Variants in SBF2 observed in about 807,000 individuals in gnomAD.
SBF2 encodes myotubularin-related protein 13.
In SBF2, 112 loss-of-function variants were observed where a neutral mutation model predicts 225.2. That is an observed-to-expected ratio of 0.50 (90% confidence interval 0.43 to 0.58). SBF2 has a LOEUF of 0.58. SBF2 is among the 20% of genes least tolerant of loss of function. SBF2 has a pLI of 0.00. For missense variants in SBF2, 1,996 were observed against 2,206.2 expected (o/e 0.90, Z 1.91); for synonymous variants, 763 against 773.3 (o/e 0.99, Z 0.22).
chr11:9,781,988 C>T (rs551856341), intron 38 of SBF2, among the ~76,000 whole-genome samples: 13 of 151,996 alleles, frequency 8.6e-5, no homozygotes, highest in African/African-American at 3.1e-4. Flanking sequence ...AGTTCGAGAC[C>T]AGCCTGGGCA....
At chr11:9,922,197 C>T (rs141872830) in intron 16 of SBF2, among the ~76,000 whole-genome samples, 5 of 152,076 alleles carry the variant, frequency 3.3e-5, no homozygotes, top group Non-Finnish European at 7.4e-5. Context: ...ATGCAGTGAG[C>T]CACGATCATG....
At chr11:10,113,746 G>A (rs2135022427) in intron 2 of SBF2, among the ~76,000 whole-genome samples, 1 of 151,046 alleles carries the variant, frequency 6.6e-6, no homozygotes, top group East Asian at 1.9e-4. Flanking sequence ...AGAAGTTTTG[G>A]GAAAATTCAC....
At chr11:9,876,111 A>G (rs1859213487) in intron 17 of SBF2, among the ~76,000 whole-genome samples, 1 of 152,082 alleles carries the variant, frequency 6.6e-6, no homozygotes, top group Non-Finnish European at 1.5e-5. Flanking sequence ...CCCTTTCTCA[A>G]CTTCCTGAAT....
chr11:10,221,284 A>T (rs1271099144), intron 1 of SBF2, among the ~76,000 whole-genome samples: 1 of 151,890 alleles, frequency 6.6e-6, no homozygotes, highest in African/African-American at 2.4e-5. Context: ...CGCCCAGCTA[A>T]TTTTTGTATT....
In SBF2 at chr11:10,029,860, T is replaced by A. The variant is rs761711012; in HGVS notation, c.418A>T (p.Ile140Phe). The A allele has an allele frequency of 7.4e-6, 12 of 1,612,746 alleles. No homozygotes were observed. In the South Asian group the frequency reaches 1.3e-4, roughly 18 times the overall value. Residue 140 changes from isoleucine to phenylalanine, a missense_variant, in exon 5 of 40, where the codon ATC becomes TTC. Physicochemically the swap from Ile to Phe is conservative, Grantham distance 21. Transcript: ENST00000256190. ...AGGCTGTCCACATACACGGTATAGA[T>A]CAAACCCAGGCAAGCCTGCAAAAAG... ...PEIFRACLGLIYTVYVDSLNV... is the reference protein window; with the variant it reads ...PEIFRACLGLFYTVYVDSLNV...
At chr11:10,175,310 G>C (rs1956410855) in intron 2 of SBF2, among the ~76,000 whole-genome samples, 1 of 151,536 alleles carries the variant, frequency 6.6e-6, no homozygotes. Context: ...TAAAAGGATG[G>C]AGGAAGATCT....
At chr11:10,042,422 TAAG>T (rs1354107761) in intron 3 of SBF2, among the ~76,000 whole-genome samples, 1 of 152,142 alleles carries the variant, frequency 6.6e-6, no homozygotes, top group Non-Finnish European at 1.5e-5. Flanking sequence ...ATACCACCCC[TAAG>T]AAGAATGAGT....
chr11:9,948,915 G>A (rs574778026), intron 16 of SBF2, among the ~76,000 whole-genome samples: 5 of 152,180 alleles, frequency 3.3e-5, no homozygotes, highest in Admixed American at 3.3e-4. Flanking sequence ...TGTCTTCTGA[G>A]GATAAACAAT....
At chr11:9,853,313 G>A (rs1191413401) in intron 20 of SBF2, among the ~76,000 whole-genome samples, 1 of 152,148 alleles carries the variant, frequency 6.6e-6, no homozygotes, top group Non-Finnish European at 1.5e-5. Context: ...AGATAACAGT[G>A]ATGGCTGCAC....
chr11:10,169,896 CGTT>C (rs1269638024), intron 2 of SBF2, among the ~76,000 whole-genome samples: 3 of 152,112 alleles, frequency 2.0e-5, no homozygotes, highest in Non-Finnish European at 4.4e-5. Context: ...GATGGTATCT[CGTT>C]GTAGTTTTGA....
At chr11:9,996,133 T>TA (rs1340026518) in intron 9 of SBF2, among the ~76,000 whole-genome samples, 1 of 152,142 alleles carries the variant, frequency 6.6e-6, no homozygotes, top group Non-Finnish European at 1.5e-5. Context: ...GCAGAACCCT[T>TA]ACCAGGAGCC....
chr11:9,999,984 G>T (rs1167612514), intron 8 of SBF2, among the ~76,000 whole-genome samples: 2 of 152,196 alleles, frequency 1.3e-5, no homozygotes, highest in Admixed American at 1.3e-4. Context: ...TAACTTTACA[G>T]TGAAGAATTT....
intron 17 of SBF2, among the ~76,000 whole-genome samples, chr11:9,883,167 C>T (rs1859968762): frequency 6.6e-6 from 1 of 151,986 alleles, no homozygotes; most frequent in Non-Finnish European, 1.5e-5. Context: ...AAAAAGCTCC[C>T]TATTGATCAC....
At chr11:9,942,201 G>A (rs1383270810) in intron 16 of SBF2, among the ~76,000 whole-genome samples, 2 of 152,114 alleles carry the variant, frequency 1.3e-5, no homozygotes, top group African/African-American at 4.8e-5. Context: ...TCATGTAGCT[G>A]GGGCTACAGG....
chr11:10,119,090 T>C (rs1953311077), intron 2 of SBF2, among the ~76,000 whole-genome samples: 1 of 152,142 alleles, frequency 6.6e-6, no homozygotes, highest in Non-Finnish European at 1.5e-5. Context: ...AAAACAGTTT[T>C]ATAGGATCAA....
At chr11:10,084,264 C>A (rs1164308759) in intron 2 of SBF2, among the ~76,000 whole-genome samples, 1 of 151,554 alleles carries the variant, frequency 6.6e-6, no homozygotes, top group Non-Finnish European at 1.5e-5. Context: ...AAAAAGTGTG[C>A]AAAAGACATG....
chr11:9,938,187 A>C (rs1052071938), intron 16 of SBF2, among the ~76,000 whole-genome samples: 2 of 151,856 alleles, frequency 1.3e-5, no homozygotes, highest in African/African-American at 2.4e-5. Context: ...GCTACTCAAG[A>C]GGCTGTGGCA....
intron 1 of SBF2, among the ~76,000 whole-genome samples, chr11:10,267,500 G>A (rs1962110095): frequency 6.6e-6 from 1 of 152,198 alleles, no homozygotes; most frequent in African/African-American, 2.4e-5. Flanking sequence ...AGGTGAGAGA[G>A]AAAGGAGTGT....
intron 37 of SBF2, 77 bp from the exon 38 acceptor site, chr11:9,784,515 G>T: frequency 2.6e-6 from 3 of 1,156,584 alleles, no homozygotes; most frequent in Non-Finnish European, 3.9e-6. Flanking sequence ...GATATCTGTT[G>T]TTTTTGTCAA....
Sources: gnomAD v4.1 joint callset for allele counts (sites outside exome capture counted in the v4.1 genomes callset) on GRCh38, gnomAD v4.1.1 for gene constraint, MANE v1.5 for transcripts, NCBI Gene and HGNC (gene_info 2026-07-23, HGNC 2026-07-21) for gene names.